The following SERAC1 variants were observed in gnomAD, a reference collection of about 807,000 sequenced individuals.
SERAC1 encodes the protein protein SERAC1.
Under a neutral mutation model 85.7 loss-of-function variants are expected in SERAC1, and 36 were observed. The observed-to-expected ratio is 0.42, with a 90% CI of 0.32 to 0.55. The LOEUF (loss-of-function observed/expected upper bound fraction) is 0.55. SERAC1 is among the 20% of genes least tolerant of loss of function. The pLI, the probability that SERAC1 is intolerant of heterozygous loss-of-function variation, is 0.11. For synonymous variants in SERAC1, 242 were observed against 265.3 expected (o/e 0.91, Z 0.85); for missense variants, 629 against 796.2 (o/e 0.79, Z 2.53).
rs564762304 is a variant in SERAC1, at chr6:158,114,795, T to G, written c.1678A>C (p.Ser560Arg). Reference sequence around the variant, plus strand: ...TTATGACAAAAAGTATTACCCTTGCTGAGTTCTTTGACTTCCAACGAGGGG... The same window carrying G: ...TTATGACAAAAAGTATTACCCTTGCGGAGTTCTTTGACTTCCAACGAGGGG... ...LFPSLEVKELSKDSPALKTLQ... is the reference protein window; with the variant it reads ...LFPSLEVKELRKDSPALKTLQ... Residue 560 changes from serine (S) to arginine (R), a missense_variant, in exon 15 of 17, where the codon AGC becomes CGC. Ser to Arg is a moderately radical substitution (Grantham distance 110). Coordinates refer to ENST00000647468, the MANE Select transcript of SERAC1 (RefSeq NM_032861.4). 1 of 1,609,816 alleles carries G rather than the reference T, an allele frequency of 6.2e-7. No homozygotes were observed. Among genetic ancestry groups the G allele is most frequent in the African/African-American group, 1.4e-5 (1 of 73,594 alleles).
chr6:158,129,015 T>C (rs534377685), intron 9 of SERAC1, among the ~76,000 whole-genome samples: 1 of 152,326 alleles, frequency 6.6e-6, no homozygotes, highest in South Asian at 2.1e-4. Context: ...AATTTTCACT[T>C]TCTAGATTTT....
intron 1 of SERAC1, among the ~76,000 whole-genome samples, chr6:158,167,263 G>GC (rs1785622524): frequency 6.7e-6 from 1 of 148,550 alleles, no homozygotes; most frequent in African/African-American, 2.5e-5. Flanking sequence ...ATGAGGTCGG[G>GC]CGCGGTGGCT....
intron 1 of SERAC1, among the ~76,000 whole-genome samples, chr6:158,159,951 T>C (rs1216736291): frequency 6.6e-6 from 1 of 152,246 alleles, no homozygotes; most frequent in Non-Finnish European, 1.5e-5. Context: ...TTTAAAATTG[T>C]GAAGACTTGC....
intron 2 of SERAC1, 113 bp downstream of exon 2, chr6:158,158,160 C>A: frequency 1.4e-6 from 1 of 710,684 alleles, no homozygotes; most frequent in Non-Finnish European, 2.4e-6. Context: ...AAGACATAAA[C>A]AAATTTGAGA....
At position 158,120,304 on chromosome 6, in the gene SERAC1, AAG is replaced by A. The variant is rs1784387300; in HGVS notation, c.1166+119_1166+120del. The A allele has an allele frequency of 4.9e-6, 5 of 1,020,006 alleles. No individual in the cohort carries two copies. Among genetic ancestry groups the A allele is most frequent in the Non-Finnish European group, 6.9e-6 (5 of 729,782 alleles). The allele number at this position is 1,020,006 out of a possible 1,614,324, so 63.2% of individuals were successfully genotyped here. Reference sequence around the variant, plus strand: ...CTATAGACAAATTATTTTAGTAAATAAGATATTTGACTTATAAGTTATTTAAC... The same window carrying A: ...CTATAGACAAATTATTTTAGTAAATAATATTTGACTTATAAGTTATTTAAC... On this transcript the variant is annotated intron_variant, in intron 11 of 16. Transcript: ENST00000647468. This position sits in a 1 kb window ranked among gnomAD's most constrained non-coding sequence, Gnocchi z 4.4.
At chr6:158,113,887 T>C (rs966310573) in intron 15 of SERAC1, among the ~76,000 whole-genome samples, 1 of 152,078 alleles carries the variant, frequency 6.6e-6, no homozygotes, top group Non-Finnish European at 1.5e-5. Flanking sequence ...AGTGTGATGA[T>C]GGCACCACAA....
intron 12 of SERAC1, among the ~76,000 whole-genome samples, chr6:158,118,618 C>CAAAAA (rs576637812): frequency 1.1e-5 from 1 of 90,390 alleles, no homozygotes; most frequent in Non-Finnish European, 2.3e-5. Flanking sequence ...ACCCTCATCT[C>CAAAAA]AAAAAAAAAA....
In SERAC1 at chr6:158,150,082, G is replaced by A. The variant is rs565434007; in HGVS notation, c.265+371C>T. Among the ~76,000 whole-genome samples the A allele has an allele frequency of 3.3e-5, 5 of 152,250 alleles. No homozygotes were observed. In the South Asian group the frequency reaches 8.3e-4, roughly 25 times the overall value. The stretch of plus-strand genomic sequence containing the variant: ...ATTTATGAATATATCTCATGAGTTT[G>A]GTTTGCATGAATACATCCCTTAAAG... On this transcript the variant is annotated intron_variant, in intron 4 of 16. Transcript: ENST00000647468.
intron 3 of SERAC1, among the ~76,000 whole-genome samples, chr6:158,154,614 A>C (rs17569450): frequency 6.6e-6 from 1 of 152,256 alleles, no homozygotes; most frequent in Admixed American, 6.5e-5. Flanking sequence ...GAAAAATAAC[A>C]ATTTGCTGAA....
At chr6:158,146,072 CAT>C in intron 6 of SERAC1, 1 of 152,238 alleles carries the variant, frequency 6.6e-6, no homozygotes, top group African/African-American at 2.4e-5. Flanking sequence ...TAAAAGCAAA[CAT>C]AATTGTATGG....
chr6:158,154,998 T>C (rs1048614245), intron 3 of SERAC1, among the ~76,000 whole-genome samples: 10 of 151,972 alleles, frequency 6.6e-5, no homozygotes, highest in African/African-American at 2.4e-4. Flanking sequence ...CTGCCGGAGC[T>C]GAGTGAGTGC....
chr6:158,153,221 A>G (rs1377856588), intron 3 of SERAC1, among the ~76,000 whole-genome samples: 2 of 152,138 alleles, frequency 1.3e-5, no homozygotes, highest in Admixed American at 1.3e-4. Flanking sequence ...ATCACACTAC[A>G]TGTATTCTTT....
At position 158,158,329 on chromosome 6, in the gene SERAC1, C is replaced by T. The variant is rs931927044; in HGVS notation, c.35G>A (p.Arg12Lys). The T allele has an allele frequency of 6.2e-7, 1 of 1,613,798 alleles. No individual in the cohort carries two copies. Among genetic ancestry groups the T allele is most frequent in the African/African-American group, 1.3e-5 (1 of 74,890 alleles). The stretch of plus-strand genomic sequence containing the variant: ...TGGGGAAGTAGAGGTTCCTATTCTT[C>T]TGCAACAGATGACGCAATAAGCAGC... ...SLAAYCVICC[R>K]RIGTSTSPPK... The change falls in exon 2 of 17, where the codon AGA (arginine) becomes AAA (lysine). Residue 12 changes from arginine (R) to lysine (K), a missense_variant. Transcript: ENST00000647468.
chr6:158,143,993 G>C (rs1188622268), intron 7 of SERAC1, among the ~76,000 whole-genome samples: 1 of 152,160 alleles, frequency 6.6e-6, no homozygotes, highest in Non-Finnish European at 1.5e-5. Context: ...TGTTGAGGCT[G>C]AGAAAACCTG....
Position 158,137,109 on chromosome 6 carries a change from G to A in SERAC1, c.738+5947C>T, listed in dbSNP as rs143207673. 3.9e-3 allele frequency among the ~76,000 whole-genome samples: 587 copies of A among 149,528 alleles called. 6 individuals carry two copies. Among genetic ancestry groups the A allele is most frequent in the African/African-American group, 0.014 (562 of 40,602 alleles). Reference sequence around the variant, plus strand: ...GGAGATGGAGCTTGCAGTGAGCCGAGATCAAGCCACTGCACCCCAGCCTGG... The same window carrying A: ...GGAGATGGAGCTTGCAGTGAGCCGAAATCAAGCCACTGCACCCCAGCCTGG... On this transcript the variant is annotated intron_variant, in intron 8 of 16. Transcript: ENST00000647468.
chr6:158,120,553 T>C lies in SERAC1; in HGVS notation c.1038A>G (p.Glu346=). The C allele has an allele frequency of 6.2e-7, 1 of 1,614,036 alleles. No individual in the cohort carries two copies. Among genetic ancestry groups the C allele is most frequent in the Non-Finnish European group, 8.5e-7 (1 of 1,179,966 alleles). The change falls in exon 11 of 17, where the codon GAA becomes GAG. Residue 346 remains glutamate (E), a synonymous_variant. Transcript: ENST00000647468. The surrounding 1 kb of genome is among the most constrained non-coding windows in gnomAD (Gnocchi z 4.4). ...VRSGWVSIMA[E]AMKSPHIMES... Reference sequence around the variant, plus strand: ...CCATAATGTGGGGAGATTTCATTGCTTCTGCCATGATGGAAACCCAGCCTG... The same window carrying C: ...CCATAATGTGGGGAGATTTCATTGCCTCTGCCATGATGGAAACCCAGCCTG...
chr6:158,166,569 C>T (rs1255206882), intron 1 of SERAC1, among the ~76,000 whole-genome samples: 1 of 152,136 alleles, frequency 6.6e-6, no homozygotes, highest in Non-Finnish European at 1.5e-5. Flanking sequence ...ACACTGAATT[C>T]GTAGAACTGA....
In SERAC1 at chr6:158,148,894, G is replaced by A. The variant is rs1258024323; in HGVS notation, c.326C>T (p.Ser109Leu). 2.5e-6 allele frequency: 4 copies of A among 1,612,368 alleles called. No homozygotes were observed. Among genetic ancestry groups the A allele is most frequent in the Admixed American group, 1.7e-5 (1 of 59,818 alleles). The change falls in exon 5 of 17, where the codon TCA (serine) becomes TTA (leucine). Residue 109 changes from serine (S) to leucine (L), a missense_variant. Physicochemically the swap from Ser to Leu is moderately radical, Grantham distance 145 (BLOSUM62 -2). Coordinates refer to ENST00000647468, the MANE Select transcript of SERAC1 (RefSeq NM_032861.4). ...AAATGGATTCCGCAGTATCTTGGCT[G>A]ATGTTGCCAATACTTTTCTTACTGC... ...HKAVRKVLATSAKILRNPFAD... is the reference protein window; with the variant it reads ...HKAVRKVLATLAKILRNPFAD...
intron 9 of SERAC1, among the ~76,000 whole-genome samples, chr6:158,129,680 T>G (rs530789516): frequency 1.3e-5 from 2 of 148,676 alleles, no homozygotes; most frequent in African/African-American, 5.0e-5. Flanking sequence ...CATCTAATAT[T>G]TCCTTGTTTT....
Sources: allele counts gnomAD v4.1 joint callset (sites outside exome capture counted in the v4.1 genomes callset), GRCh38; gene constraint gnomAD v4.1.1; non-coding constraint Gnocchi (gnomAD v3.1); transcripts MANE v1.5; gene names NCBI Gene and HGNC (gene_info 2026-07-23, HGNC 2026-07-21).